The following ARIH2 variants were observed in gnomAD, a reference collection of about 807,000 sequenced individuals.
ARIH2 encodes the protein E3 ubiquitin-protein ligase ARIH2.
A neutral mutation model predicts 79.8 loss-of-function variants in ARIH2; 12 were observed. That is an observed-to-expected ratio of 0.15 (90% confidence interval 0.10 to 0.24). ARIH2 has a LOEUF of 0.24. ARIH2 is among the 10% of genes least tolerant of loss of function. ARIH2 has a pLI of 1.00. For synonymous variants in ARIH2, 224 were observed against 213.9 expected, an observed-to-expected ratio of 1.05 and a Z score of -0.41; for missense variants, 301 against 618.3, an observed-to-expected ratio of 0.49 and a Z score of 5.44.
At chr3:48,945,105 A>G in intron 3 of ARIH2, 1 of 1,289,586 alleles carries the variant, frequency 7.8e-7, no homozygotes, top group South Asian at 1.2e-5. Context: ...ATTCTAAATA[A>G]AAATTGAAAC....
chr3:48,981,801 A>G, intron 14 of ARIH2, 73 bp downstream of exon 14: 1 of 1,281,700 alleles, frequency 7.8e-7, no homozygotes, highest in East Asian at 2.3e-5. Context: ...ACTTTGCAGG[A>G]GAGTGAGGAC....
intron 3 of ARIH2, among the ~76,000 whole-genome samples, chr3:48,941,261 A>C (rs1216923523): frequency 1.3e-5 from 2 of 152,184 alleles, no homozygotes; most frequent in African/African-American, 4.8e-5. Context: ...CACAGTGAAG[A>C]AAATGCAATT....
chr3:48,926,184 G>A (rs933803843), intron 2 of ARIH2, among the ~76,000 whole-genome samples: 1 of 152,188 alleles, frequency 6.6e-6, no homozygotes, highest in African/African-American at 2.4e-5. Context: ...TCGTTTATAT[G>A]TAATTAAGTA....
Position 48,939,463 on chromosome 3 carries a change from T to C in ARIH2, c.255+11650T>C, listed in dbSNP as rs540398877. Among the ~76,000 whole-genome samples, 10 of 151,416 alleles carry C rather than the reference T, an allele frequency of 6.6e-5. No homozygotes were observed. The South Asian group carries it at 1.9e-3, about 28-fold the overall frequency. On this transcript the variant is annotated intron_variant, in intron 3 of 15. Transcript: ENST00000356401. Reference sequence around the variant, plus strand: ...CTGACCCTTCTTCCCTTTAAAAATTTGAAGTAATAATTAGCTGGGCGCGGT... The same window carrying C: ...CTGACCCTTCTTCCCTTTAAAAATTCGAAGTAATAATTAGCTGGGCGCGGT...
intron 3 of ARIH2, chr3:48,934,292 C>A: frequency 1.4e-6 from 1 of 728,064 alleles, no homozygotes; most frequent in Non-Finnish European, 1.7e-6. Context: ...TTATATAATG[C>A]CAAGTTAAAA....
At chr3:48,934,349 T>G (rs917796580) in intron 3 of ARIH2, 3 of 908,844 alleles carry the variant, frequency 3.3e-6, no homozygotes, top group Non-Finnish European at 3.9e-6. Context: ...TCAATTTTCT[T>G]TTATTCTGAT....
Position 48,967,247 on chromosome 3 carries a change from A to G in ARIH2, c.510A>G (p.Ser170=), listed in dbSNP as rs1215933834. 1 of 1,614,024 alleles carries G rather than the reference A, an allele frequency of 6.2e-7. No individual in the cohort carries two copies. The highest frequency in any genetic ancestry group is 1.7e-5 in the Admixed American group (1 of 59,988). The change falls in exon 6 of 16, where the codon TCA becomes TCG. Residue 170 remains serine, a synonymous_variant. Coordinates refer to ENST00000356401, the MANE Select transcript of ARIH2 (RefSeq NM_006321.4). ...GCAGCTGCTGGGAGCAGCACTGCTC[A>G]GTTCTCGTCAAGGACGGCGTGGGCG... ...FCRSCWEQHC[S]VLVKDGVGVG... is the part of the protein sequence containing the mutation.
chr3:48,981,759 C>T (rs369754651), intron 14 of ARIH2, 31 bp downstream of exon 14: 12 of 1,581,338 alleles, frequency 7.6e-6, no homozygotes, highest in East Asian at 2.2e-5. Flanking sequence ...TACTCTGTCC[C>T]GTTAGCCTCA....
chr3:48,943,760 T>A (rs2088702247), intron 3 of ARIH2, among the ~76,000 whole-genome samples: 1 of 152,202 alleles, frequency 6.6e-6, no homozygotes, highest in Admixed American at 6.5e-5. Context: ...TTCATTAAGA[T>A]GTGCTGGCCT....
chr3:48,960,712 C>G (rs943955894), intron 3 of ARIH2, among the ~76,000 whole-genome samples: 5 of 149,930 alleles, frequency 3.3e-5, no homozygotes, highest in African/African-American at 9.8e-5. Flanking sequence ...TGCAGTGAGC[C>G]GAGGTCATGC....
chr3:48,970,182 G>T (rs1335062506), intron 7 of ARIH2, among the ~76,000 whole-genome samples: 2 of 77,798 alleles, frequency 2.6e-5, no homozygotes, highest in Non-Finnish European at 4.7e-5. Context: ...ATGAGCCACC[G>T]CGCCCGGCCT....
chr3:48,927,321 A>G (rs1259110448), intron 2 of ARIH2, 141 bp from the exon 3 acceptor site: 4 of 487,168 alleles, frequency 8.2e-6, no homozygotes, highest in East Asian at 7.5e-5. Flanking sequence ...GGATGATAGT[A>G]AGATTCCCCA....
At chr3:48,955,940 C>T (rs2090519708) in intron 3 of ARIH2, among the ~76,000 whole-genome samples, 1 of 152,126 alleles carries the variant, frequency 6.6e-6, no homozygotes, top group Non-Finnish European at 1.5e-5. Context: ...CATCTCTGTG[C>T]TGCTTTTGCT....
chr3:48,967,937 T>A (rs999922917), intron 6 of ARIH2: 1 of 152,398 alleles, frequency 6.6e-6, no homozygotes, highest in Non-Finnish European at 1.5e-5. Flanking sequence ...AGAGTTTCTT[T>A]TATGCAACTT....
chr3:48,975,141 T>C, intron 11 of ARIH2, 162 bp downstream of exon 11: 1 of 1,228,782 alleles, frequency 8.1e-7, no homozygotes. Flanking sequence ...TTTATTTTTA[T>C]TTTCTGTTTT....
intron 3 of ARIH2, among the ~76,000 whole-genome samples, chr3:48,943,954 G>A (rs1240026264): frequency 2.6e-5 from 4 of 152,180 alleles, no homozygotes; most frequent in African/African-American, 9.7e-5. Context: ...AATGGACACA[G>A]CTTTTAGTCC....
Position 48,920,885 on chromosome 3 carries a change from CA to C in ARIH2, c.-161-1848del, listed in dbSNP as rs537331018. ...CGCCACTGCACTCCAGCAAGACTCT[CA>C]AAAAAAAAAAAAAAGAAAGAAAAGA... On this transcript the variant is annotated intron_variant, in intron 1 of 15. Transcript: ENST00000356401. 8.7e-4 allele frequency among the ~76,000 whole-genome samples: 36 copies of C among 41,514 alleles called. 1 individual carries two copies. The highest frequency in any genetic ancestry group is 1.1e-3 in the Admixed American group (3 of 2,846). The allele number at this position is 41,514 out of a possible 152,430, so 27.2% of individuals were successfully genotyped here.
At chr3:48,947,773 G>A (rs533222019) in intron 3 of ARIH2, among the ~76,000 whole-genome samples, 44 of 152,170 alleles carry the variant, frequency 2.9e-4, no homozygotes, top group African/African-American at 9.6e-4. Flanking sequence ...AAAAGAAAGA[G>A]CTTTAAATAA....
intron 3 of ARIH2, among the ~76,000 whole-genome samples, chr3:48,932,418 C>T (rs937816149): frequency 4.6e-5 from 7 of 152,128 alleles, no homozygotes; most frequent in African/African-American, 1.4e-4. Flanking sequence ...CCTTTTTCTA[C>T]AGTGTATTTT....
Sources: allele counts gnomAD v4.1 joint callset (sites outside exome capture counted in the v4.1 genomes callset), GRCh38; gene constraint gnomAD v4.1.1; transcripts MANE v1.5; gene names NCBI Gene and HGNC (gene_info 2026-07-23, HGNC 2026-07-21).